PTPRK: variants seen among roughly 807,000 people sequenced by gnomAD.
The protein encoded by PTPRK is protein tyrosine phosphatase receptor type K.
A neutral mutation model predicts 178.0 loss-of-function variants in PTPRK; 75 were observed. That is an observed-to-expected ratio of 0.42 (90% confidence interval 0.35 to 0.51). PTPRK has a LOEUF of 0.51. PTPRK is among the 20% of genes least tolerant of loss of function. PTPRK has a pLI of 0.02. For synonymous variants in PTPRK, 637 were observed against 620.6 expected (o/e 1.03, Z -0.39); for missense variants, 1,441 against 1,797.8 (o/e 0.80, Z 3.59).
At chr6:128,428,135 C>T (rs897322970) in intron 1 of PTPRK, among the ~76,000 whole-genome samples, 3 of 152,050 alleles carry the variant, frequency 2.0e-5, no homozygotes. Context: ...TTTCCATGTA[C>T]AGTGAAATGA....
Position 128,397,614 on chromosome 6 carries a change from G to A in PTPRK, c.175C>T (p.His59Tyr). 1 of 1,613,798 alleles carries A rather than the reference G, an allele frequency of 6.2e-7. No individual in the cohort carries two copies. Among genetic ancestry groups the A allele is most frequent in the Non-Finnish European group, 8.5e-7 (1 of 1,179,852 alleles). The change falls in exon 2 of 30, where the codon CAT (histidine) becomes TAT (tyrosine). Residue 59 changes from histidine (H) to tyrosine (Y), a missense_variant. His to Tyr is a moderately conservative substitution (Grantham distance 83). Coordinates refer to ENST00000368226, the MANE Select transcript of PTPRK (RefSeq NM_002844.4). Reference sequence around the variant, plus strand: ...TAATGAGGCTCTTGAGCACTAACATGCACCCATTCAAAGTCATCATACAGA... The same window carrying A: ...TAATGAGGCTCTTGAGCACTAACATACACCCATTCAAAGTCATCATACAGA... ...QDLYDDFEWVHVSAQEPHYLP... is the reference protein window; with the variant it reads ...QDLYDDFEWVYVSAQEPHYLP...
rs528836268 is a variant in PTPRK, at chr6:128,198,480, G to A, written c.869-13755C>T. 1.1e-4 allele frequency among the ~76,000 whole-genome samples: 16 copies of A among 152,264 alleles called. 1 individual carries two copies. In the South Asian group the frequency reaches 1.7e-3, roughly 16 times the overall value. On this transcript the variant is annotated intron_variant, in intron 6 of 29. Coordinates refer to ENST00000368226, the MANE Select transcript of PTPRK (RefSeq NM_002844.4). ...TACACCATGGCCTGTTGTGGGGGTA[G>A]GGGGCTAGGGGAGGGATAGCATTAG...
rs965676848 is a variant in PTPRK, at chr6:128,344,511, C to A, written c.224-22201G>T. On this transcript the variant is annotated intron_variant, in intron 2 of 29. Coordinates refer to ENST00000368226, the MANE Select transcript of PTPRK (RefSeq NM_002844.4). ...CTATGATTATTCAGTCTTTTATCCA[C>A]CCCCTCCAATCACTCCTCGTGATTT... 2.0e-5 allele frequency among the ~76,000 whole-genome samples: 3 copies of A among 152,054 alleles called. No homozygotes were observed. The East Asian group carries it at 5.8e-4, about 29-fold the overall frequency.
At chr6:128,455,582 C>T (rs779061297) in intron 1 of PTPRK, among the ~76,000 whole-genome samples, 5 of 152,042 alleles carry the variant, frequency 3.3e-5, no homozygotes, top group Non-Finnish European at 7.4e-5. Flanking sequence ...GATTCAAATC[C>T]CAACTCCTCC....
intron 3 of PTPRK, among the ~76,000 whole-genome samples, chr6:128,315,847 A>C (rs1477460570): frequency 2.6e-5 from 4 of 152,190 alleles, no homozygotes; most frequent in Non-Finnish European, 5.9e-5. Flanking sequence ...GTCCCTTATA[A>C]CACCAATATT....
At chr6:128,149,032 T>C (rs1047672634) in intron 7 of PTPRK, among the ~76,000 whole-genome samples, 2 of 151,980 alleles carry the variant, frequency 1.3e-5, no homozygotes, top group Non-Finnish European at 2.9e-5. Context: ...AAATGACTGA[T>C]ACATTTTAAT....
chr6:128,457,926 G>C (rs551772477), intron 1 of PTPRK, among the ~76,000 whole-genome samples: 1 of 151,888 alleles, frequency 6.6e-6, no homozygotes. Context: ...TCCCCATTGC[G>C]GGCTAATTAC....
intron 3 of PTPRK, among the ~76,000 whole-genome samples, chr6:128,314,521 C>T (rs7745739): frequency 0.97 from 147,943 of 152,332 alleles, 71,979 homozygotes; most frequent in East Asian, 1. Context: ...CCCTTAAATG[C>T]TGTGAGTGAT....
intron 3 of PTPRK, among the ~76,000 whole-genome samples, chr6:128,300,387 A>G (rs974427345): frequency 2.6e-5 from 4 of 152,090 alleles, no homozygotes; most frequent in Non-Finnish European, 5.9e-5. Context: ...TACCCAAAGG[A>G]CTATAAATCA....
chr6:128,441,524 C>T (rs942962717), intron 1 of PTPRK, among the ~76,000 whole-genome samples: 1 of 152,036 alleles, frequency 6.6e-6, no homozygotes, highest in African/African-American at 2.4e-5. Flanking sequence ...GACCAGGGCC[C>T]ACCCTCAAGT....
In PTPRK at chr6:128,067,579, A is replaced by T. The variant is rs12661501; in HGVS notation, c.2097T>A (p.Pro699=). Reference sequence around the variant, plus strand: ...TGTATCCTTTGCGCGGAGCCAAAGGAGGGTTCCAAAAGCCTTGGTAGGTCC... The same window carrying T: ...TGTATCCTTTGCGCGGAGCCAAAGGTGGGTTCCAAAAGCCTTGGTAGGTCC... ...DNRTYQGFWN[P]PLAPRKGYNI... Residue 699 remains proline, a synonymous_variant, in exon 12 of 30, where the codon CCT becomes CCA. Transcript: ENST00000368226. The T allele has an allele frequency of 1.6e-3, 2,569 of 1,612,512 alleles. 43 individuals are homozygous for T. In the East Asian group the frequency reaches 0.048, roughly 30 times the overall value.
chr6:128,428,539 C>T (rs1384871563), intron 1 of PTPRK, among the ~76,000 whole-genome samples: 3 of 152,120 alleles, frequency 2.0e-5, no homozygotes, highest in Non-Finnish European at 4.4e-5. Context: ...AGAGGGGATA[C>T]CTCCCTGAGG....
intron 2 of PTPRK, among the ~76,000 whole-genome samples, chr6:128,381,081 G>A (rs187299685): frequency 3.0e-4 from 46 of 152,178 alleles, no homozygotes; most frequent in African/African-American, 1.1e-3. Flanking sequence ...TTTTTCCAGT[G>A]TCTCAGCTTT....
intron 3 of PTPRK, among the ~76,000 whole-genome samples, chr6:128,278,123 T>A (rs185264194): frequency 9.7e-5 from 14 of 143,714 alleles, no homozygotes; most frequent in South Asian, 2.2e-4. Context: ...TTTTTGTGTT[T>A]TTTATTTATT....
At chr6:128,061,548 G>A (rs935489659) in intron 13 of PTPRK, among the ~76,000 whole-genome samples, 1 of 152,204 alleles carries the variant, frequency 6.6e-6, no homozygotes, top group Non-Finnish European at 1.5e-5. Flanking sequence ...GAAAGGGGGT[G>A]GGGGTTGGGA....
intron 7 of PTPRK, among the ~76,000 whole-genome samples, chr6:128,173,264 T>C (rs995103400): frequency 6.6e-6 from 1 of 152,030 alleles, no homozygotes; most frequent in African/African-American, 2.4e-5. Flanking sequence ...AACAATCTGC[T>C]ACATATTTTT....
chr6:128,190,325 A>G (rs975173572), intron 6 of PTPRK, among the ~76,000 whole-genome samples: 1 of 152,080 alleles, frequency 6.6e-6, no homozygotes, highest in African/African-American at 2.4e-5. Flanking sequence ...CTCATCATAA[A>G]TTTAGCTCAT....
chr6:128,357,362 A>G (rs2128340331), intron 2 of PTPRK, among the ~76,000 whole-genome samples: 1 of 152,364 alleles, frequency 6.6e-6, no homozygotes, highest in East Asian at 1.9e-4. Context: ...AGCACAGGAA[A>G]GAAACAAAGA....
At chr6:128,089,627 A>T (rs1786575343) in intron 8 of PTPRK, 63 bp downstream of exon 8, 8 of 1,437,852 alleles carry the variant, frequency 5.6e-6, no homozygotes, top group Non-Finnish European at 7.7e-6. Context: ...GGAAAATCTT[A>T]AAGTAATCAC....
Sources: gnomAD v4.1 joint callset for allele counts (sites outside exome capture counted in the v4.1 genomes callset) on GRCh38, gnomAD v4.1.1 for gene constraint, MANE v1.5 for transcripts, NCBI Gene and HGNC (gene_info 2026-07-23, HGNC 2026-07-21) for gene names.